The following MRAP2 variants were observed in gnomAD, a reference collection of about 807,000 sequenced individuals.
The protein encoded by MRAP2 is melanocortin-2 receptor accessory protein 2.
In MRAP2, 20 loss-of-function variants were observed where a neutral mutation model predicts 17.4. The ratio of observed to expected loss-of-function variants is 1.15; its 90% CI spans 0.81 to 1.67. The LOEUF (loss-of-function observed/expected upper bound fraction) is 1.67. MRAP2 is among the 40% of genes most tolerant of loss of function. MRAP2 has a pLI of 0.00. For synonymous variants in MRAP2, 96 were observed against 88.4 expected (o/e 1.09, Z -0.48); for missense variants, 238 against 240.0 (o/e 0.99, Z 0.05).
intron 3 of MRAP2, among the ~76,000 whole-genome samples, chr6:84,063,856 C>T (rs1029168034): frequency 5.3e-5 from 8 of 151,762 alleles, no homozygotes; most frequent in Non-Finnish European, 1.0e-4. Flanking sequence ...AGACCTGCCT[C>T]GCTATGGTGA....
chr6:84,093,743 TC>T (rs1485217344), downstream of MRAP2, among the ~76,000 whole-genome samples: 1 of 152,172 alleles, frequency 6.6e-6, no homozygotes, highest in African/African-American at 2.4e-5. Flanking sequence ...ACATTTTAAA[TC>T]TCCACCCCTG....
the MRAP2 span, among the ~76,000 whole-genome samples, chr6:84,131,244 T>C: frequency 2.0e-5 from 3 of 152,216 alleles, no homozygotes; most frequent in African/African-American, 4.8e-5. Flanking sequence ...TTCCATTCTT[T>C]TGCATTTGCT....
At chr6:84,071,822 T>G (rs1450837511) in intron 3 of MRAP2, among the ~76,000 whole-genome samples, 1 of 152,178 alleles carries the variant, frequency 6.6e-6, no homozygotes, top group Non-Finnish European at 1.5e-5. Flanking sequence ...TTCGAAGACC[T>G]TGTCTTCGAG....
At chr6:84,132,054 C>T in the MRAP2 span, among the ~76,000 whole-genome samples, 1 of 152,160 alleles carries the variant, frequency 6.6e-6, no homozygotes, top group South Asian at 2.1e-4. Flanking sequence ...CAAAATCTCT[C>T]AGCACTTGCT....
chr6:84,142,436 T>C, the MRAP2 span, among the ~76,000 whole-genome samples: 1 of 152,200 alleles, frequency 6.6e-6, no homozygotes, highest in African/African-American at 2.4e-5. Context: ...ATACATTTTT[T>C]TTCTACCTTT....
At chr6:84,099,941 A>G in the MRAP2 span, among the ~76,000 whole-genome samples, 1,469 of 151,778 alleles carry the variant, frequency 9.7e-3, 20 homozygotes, top group African/African-American at 0.034. Context: ...GCTCATTGCA[A>G]ACTCCACCTC....
At chr6:84,054,474 G>A (rs2099491211) in intron 1 of MRAP2, among the ~76,000 whole-genome samples, 1 of 152,220 alleles carries the variant, frequency 6.6e-6, no homozygotes, top group East Asian at 1.9e-4. Flanking sequence ...AGTTGGACAA[G>A]TTGTGGACTT....
the MRAP2 span, among the ~76,000 whole-genome samples, chr6:84,113,851 T>C: frequency 6.6e-6 from 1 of 152,214 alleles, no homozygotes; most frequent in Admixed American, 6.5e-5. Flanking sequence ...TGAAGCTTAA[T>C]TTGGCTAGAA....
chr6:84,043,128 A>G (rs2099488093), intron 1 of MRAP2, among the ~76,000 whole-genome samples: 1 of 152,212 alleles, frequency 6.6e-6, no homozygotes, highest in African/African-American at 2.4e-5. Flanking sequence ...AACTCTTTCA[A>G]TAACTCCACT....
At chr6:84,040,764 A>C (rs918748393) in intron 1 of MRAP2, among the ~76,000 whole-genome samples, 1 of 152,138 alleles carries the variant, frequency 6.6e-6, no homozygotes, top group Non-Finnish European at 1.5e-5. Context: ...ATCATCAGAG[A>C]GATGATTTAG....
At chr6:84,105,701 G>T in the MRAP2 span, among the ~76,000 whole-genome samples, 2 of 152,110 alleles carry the variant, frequency 1.3e-5, no homozygotes, top group African/African-American at 4.8e-5. Flanking sequence ...CCCCTTGGCA[G>T]CCTGGATTAG....
At chr6:84,064,532 G>T (rs1292261479) in intron 3 of MRAP2, among the ~76,000 whole-genome samples, 1 of 152,068 alleles carries the variant, frequency 6.6e-6, no homozygotes, top group Non-Finnish European at 1.5e-5. Context: ...CTGTCACCCA[G>T]GCTGGAGTGC....
chr6:84,078,031 G>T (rs1328648895), intron 3 of MRAP2, among the ~76,000 whole-genome samples: 2 of 152,122 alleles, frequency 1.3e-5, no homozygotes, highest in Non-Finnish European at 2.9e-5. Context: ...GTATCATATT[G>T]GCCAACATGG....
chr6:84,082,971 C>A (rs986190287), intron 3 of MRAP2, among the ~76,000 whole-genome samples: 2 of 152,104 alleles, frequency 1.3e-5, no homozygotes, highest in Non-Finnish European at 2.9e-5. Context: ...TTTCCCCTCT[C>A]TCCCTTACGT....
intron 1 of MRAP2, among the ~76,000 whole-genome samples, chr6:84,048,355 T>C (rs1297649977): frequency 6.6e-6 from 1 of 152,220 alleles, no homozygotes; most frequent in Non-Finnish European, 1.5e-5. Context: ...TTCTTTTTGA[T>C]AGTTGATTCT....
intron 1 of MRAP2, among the ~76,000 whole-genome samples, chr6:84,051,999 C>G (rs2497160): frequency 0.25 from 37,864 of 152,130 alleles, 5,902 homozygotes; most frequent in African/African-American, 0.44. Flanking sequence ...GGCTAGCTTT[C>G]GGATGCAGTC....
At chr6:84,107,991 G>A in the MRAP2 span, among the ~76,000 whole-genome samples, 7 of 152,334 alleles carry the variant, frequency 4.6e-5, no homozygotes, top group Admixed American at 3.9e-4. Context: ...GCTTTGATTT[G>A]TTGGTACATG....
At chr6:84,128,978 G>A in the MRAP2 span, among the ~76,000 whole-genome samples, 4 of 152,212 alleles carry the variant, frequency 2.6e-5, 1 homozygote, top group South Asian at 8.3e-4. Context: ...TGCTGAGAAT[G>A]ATGGTTTCCA....
chr6:84,117,891 C>T, the MRAP2 span, among the ~76,000 whole-genome samples: 1 of 152,092 alleles, frequency 6.6e-6, no homozygotes, highest in African/African-American at 2.4e-5. Context: ...TGTTGTTGGG[C>T]CGAATGCACC....
Sources: gnomAD v4.1 joint callset for allele counts (sites outside exome capture counted in the v4.1 genomes callset) on GRCh38, gnomAD v4.1.1 for gene constraint, MANE v1.5 for transcripts, NCBI Gene and HGNC (gene_info 2026-07-23, HGNC 2026-07-21) for gene names.